NOVA1: variants seen among roughly 807,000 people sequenced by gnomAD.
The protein encoded by NOVA1 is NOVA alternative splicing regulator 1.
Under a neutral mutation model 38.0 loss-of-function variants are expected in NOVA1, and 7 were observed. That is an observed-to-expected ratio of 0.18 (90% CI 0.10 to 0.35). The LOEUF is 0.35. NOVA1 is among the 10% of genes least tolerant of loss of function. The pLI, the probability that NOVA1 is intolerant of heterozygous loss-of-function variation, is 1.00. For synonymous variants in NOVA1, 270 were observed against 232.5 expected (o/e 1.16, Z -1.47); for missense variants, 460 against 616.0 (o/e 0.75, Z 2.68).
chr14:26,560,011 T>A (rs1000386194), intron 2 of NOVA1, among the ~76,000 whole-genome samples: 4 of 152,060 alleles, frequency 2.6e-5, no homozygotes, highest in African/African-American at 9.7e-5. Context: ...TAATAAATTA[T>A]TGTAATTTAA....
chr14:26,454,298 A>G lies in NOVA1; in HGVS notation c.520-5335T>C, dbSNP rs1488064267. Among the ~76,000 whole-genome samples, 5 of 152,216 alleles carry G rather than the reference A, an allele frequency of 3.3e-5. No homozygotes were observed. The East Asian group carries it at 7.7e-4, about 23-fold the overall frequency. On this transcript the variant is annotated intron_variant, in intron 4 of 4. Coordinates refer to ENST00000539517, the MANE Select transcript of NOVA1 (RefSeq NM_002515.3). Reference sequence around the variant, plus strand: ...CATGACCCAGGTCTGACCTATTGCTATACTCACACCCATAACCTTTACTGG... The same window carrying G: ...CATGACCCAGGTCTGACCTATTGCTGTACTCACACCCATAACCTTTACTGG...
At chr14:26,484,428 GAAAAAAAAAAAAAAAAAAAAAA>G (rs869087238) in intron 2 of NOVA1, among the ~76,000 whole-genome samples, 3 of 56,436 alleles carry the variant, frequency 5.3e-5, no homozygotes, top group African/African-American at 1.5e-4. Context: ...ACTCCGTCTC[GAAAAAAAAAAAAAAAAAAAAAA>G]AAAAAAAAAA....
intron 2 of NOVA1, among the ~76,000 whole-genome samples, chr14:26,550,026 G>A (rs1891068701): frequency 6.6e-6 from 1 of 152,104 alleles, no homozygotes; most frequent in African/African-American, 2.4e-5. Context: ...GCTAAGAATG[G>A]TTGCAGGAAA....
Position 26,454,065 on chromosome 14 carries a change from G to T in NOVA1, c.520-5102C>A, listed in dbSNP as rs144531223. On this transcript the variant is annotated intron_variant, in intron 4 of 4. Transcript: ENST00000539517. ...CAATCTTTCAATATCTCTAGAACAG[G>T]GGTGTCCAATTTTTTGGCTTCCCTG... Among the ~76,000 whole-genome samples the T allele has an allele frequency of 2.4e-4, 36 of 152,132 alleles. No homozygotes were observed. The East Asian group carries it at 6.8e-3, about 29-fold the overall frequency.
chr14:26,553,425 C>G (rs1226357763), intron 2 of NOVA1, among the ~76,000 whole-genome samples: 1 of 152,096 alleles, frequency 6.6e-6, no homozygotes, highest in Non-Finnish European at 1.5e-5. Flanking sequence ...GCTGAGAGTC[C>G]AAATCAAGCG....
intron 2 of NOVA1, among the ~76,000 whole-genome samples, chr14:26,573,612 T>C (rs1892627193): frequency 6.6e-6 from 1 of 152,124 alleles, no homozygotes; most frequent in African/African-American, 2.4e-5. Context: ...TCTATATATG[T>C]AGACAAGGAT....
At chr14:26,517,971 A>C (rs2138488619) in intron 2 of NOVA1, among the ~76,000 whole-genome samples, 1 of 152,266 alleles carries the variant, frequency 6.6e-6, no homozygotes, top group East Asian at 1.9e-4. Flanking sequence ...AAAAACACCA[A>C]CTATTCTGAT....
intron 2 of NOVA1, among the ~76,000 whole-genome samples, chr14:26,488,235 CAT>C (rs1382512848): frequency 1.3e-5 from 2 of 152,164 alleles, no homozygotes; most frequent in Non-Finnish European, 1.5e-5. Context: ...GTTTATACAA[CAT>C]GTTTTCACAT....
In NOVA1 at chr14:26,444,249, T is replaced by TA. The variant is rs1340143906; in HGVS notation, c.*3709dup. 2.6e-5 allele frequency: 4 copies of TA among 151,958 alleles called. No individual in the cohort carries two copies. Among genetic ancestry groups the TA allele is most frequent in the Non-Finnish European group, 5.9e-5 (4 of 67,948 alleles). The allele number at this position is 151,958 out of a possible 1,614,324, so 9.4% of individuals were successfully genotyped here. On this transcript the variant is annotated 3_prime_UTR_variant, in exon 5 of 5. Transcript: ENST00000539517. ...TTTCATACTGTTTATTTTTTTCCAA[T>TA]AAAAAAATAAATCTCATACATTAGA...
intron 2 of NOVA1, among the ~76,000 whole-genome samples, chr14:26,484,470 A>T (rs1885727714): frequency 7.1e-6 from 1 of 140,858 alleles, no homozygotes; most frequent in Admixed American, 7.2e-5. Flanking sequence ...AAAGAAATTA[A>T]TTGTTCTATT....
intron 2 of NOVA1, among the ~76,000 whole-genome samples, chr14:26,581,186 A>T (rs1333561249): frequency 6.6e-6 from 1 of 152,104 alleles, no homozygotes; most frequent in East Asian, 1.9e-4. Flanking sequence ...TGTTCTCTAG[A>T]AGTCTTGTAT....
chr14:26,570,172 C>A (rs774231154), intron 2 of NOVA1, among the ~76,000 whole-genome samples: 1 of 151,964 alleles, frequency 6.6e-6, no homozygotes, highest in African/African-American at 2.4e-5. Flanking sequence ...CATGGTGAAA[C>A]CCTGTCTCTA....
intron 2 of NOVA1, among the ~76,000 whole-genome samples, chr14:26,502,853 T>C (rs1313567558): frequency 1.3e-5 from 2 of 152,104 alleles, no homozygotes; most frequent in Non-Finnish European, 2.9e-5. Context: ...TTCATGTTTT[T>C]TGCTACAGTT....
chr14:26,495,074 C>A (rs1045294803), intron 2 of NOVA1, among the ~76,000 whole-genome samples: 1 of 151,874 alleles, frequency 6.6e-6, no homozygotes, highest in African/African-American at 2.4e-5. Context: ...TTTTTTAGTT[C>A]CTGGGACATG....
chr14:26,542,699 G>T (rs1452007305), intron 2 of NOVA1, among the ~76,000 whole-genome samples: 1 of 114,916 alleles, frequency 8.7e-6, no homozygotes, highest in East Asian at 2.5e-4. Flanking sequence ...AAACCCTGAA[G>T]AATTTAAAAA....
chr14:26,488,424 G>A (rs900328732), intron 2 of NOVA1, among the ~76,000 whole-genome samples: 1 of 152,102 alleles, frequency 6.6e-6, no homozygotes, highest in East Asian at 1.9e-4. Context: ...TACTTAACTA[G>A]CTATTCCCAT....
intron 2 of NOVA1, among the ~76,000 whole-genome samples, chr14:26,559,256 T>C (rs777183821): frequency 2.6e-5 from 4 of 152,098 alleles, no homozygotes; most frequent in Non-Finnish European, 4.4e-5. Flanking sequence ...TAAAATATAC[T>C]GGTAGCCACA....
chr14:26,505,171 G>A (rs1350455678), intron 2 of NOVA1, among the ~76,000 whole-genome samples: 1 of 152,138 alleles, frequency 6.6e-6, no homozygotes, highest in African/African-American at 2.4e-5. Flanking sequence ...CATGAACGCT[G>A]CACAATGTTT....
At chr14:26,485,547 T>C (rs573355670) in intron 2 of NOVA1, among the ~76,000 whole-genome samples, 4 of 152,154 alleles carry the variant, frequency 2.6e-5, no homozygotes, top group African/African-American at 9.6e-5. Context: ...ATAATATTGT[T>C]AGGGAGAAAA....
Sources: allele counts gnomAD v4.1 joint callset (sites outside exome capture counted in the v4.1 genomes callset), GRCh38; gene constraint gnomAD v4.1.1; transcripts MANE v1.5; gene names NCBI Gene and HGNC (gene_info 2026-07-23, HGNC 2026-07-21).